The following HIF1AN variants were observed in gnomAD, a reference collection of about 807,000 sequenced individuals.
HIF1AN encodes the protein hypoxia-inducible factor 1-alpha inhibitor.
HIF1AN carries 21 observed loss-of-function variants against 47.7 expected under a neutral mutation model. The observed-to-expected ratio is 0.44, with a 90% CI of 0.31 to 0.63. The LOEUF (loss-of-function observed/expected upper bound fraction) is 0.63, where lower values mean the gene tolerates loss of function less well. HIF1AN is among the 30% of genes least tolerant of loss of function. The pLI is 0.07. For synonymous variants in HIF1AN, 152 were observed against 155.9 expected, an observed-to-expected ratio of 0.98 and a Z score of 0.18; for missense variants, 320 against 432.7, an observed-to-expected ratio of 0.74 and a Z score of 2.31.
Position 100,546,522 on chromosome 10 carries a change from C to A in HIF1AN, c.835C>A (p.His279Asn). ...AGCCTGTTTGTTTTCTTGCAGGTGG[C>A]ATCACATAGAGTCATTACTAAATGG... ...DVLYIPMYWWHHIESLLNGGI... is the reference protein window; with the variant it reads ...DVLYIPMYWWNHIESLLNGGI... The change falls in exon 6 of 8, where the codon CAT becomes AAT. Residue 279 changes from histidine (H) to asparagine (N), a missense_variant. His to Asn is a moderately conservative substitution (Grantham distance 68, BLOSUM62 1). Transcript: ENST00000299163. The A allele has an allele frequency of 7.0e-7, 1 of 1,437,844 alleles. No homozygotes were observed. The highest frequency in any genetic ancestry group is 9.3e-7 in the Non-Finnish European group (1 of 1,073,408). 89.1% of individuals were successfully genotyped at this position (1,437,844 alleles called of 1,614,324 possible). A position where few individuals can be genotyped will look rare whatever the true frequency, so the allele number is the denominator to read the frequency against.
rs1325225716 is a variant in HIF1AN at position 100,545,957 on chromosome 10, T to G, written c.738T>G (p.Asn246Lys). 1 of 1,613,274 alleles carries G rather than the reference T, an allele frequency of 6.2e-7. No individual in the cohort carries two copies. The highest frequency in any genetic ancestry group is 8.5e-7 in the Non-Finnish European group (1 of 1,179,296). ...GAACCTCTTAGGTGGACTTTGACAA[T>G]CCCGACTACGAGAGGTTCCCTAATT... ...CDRQSQVDFD[N>K]PDYERFPNFQ... The change falls in exon 5 of 8, where the codon AAT becomes AAG. Residue 246 changes from asparagine to lysine, a missense_variant. Coordinates refer to ENST00000299163, the MANE Select transcript of HIF1AN (RefSeq NM_017902.3).
intron 5 of HIF1AN, 62 bp from the exon 6 acceptor site, chr10:100,546,456 T>TCCCCCC: frequency 2.9e-6 from 2 of 679,320 alleles, no homozygotes; most frequent in South Asian, 1.5e-5. Context: ...CCCCCGCACT[T>TCCCCCC]CGCCCCTCCG....
rs1843223543 is a variant in HIF1AN at position 100,557,441 on chromosome 10, G to C, written c.*9304G>C. 6.6e-6 allele frequency: 1 copy of C among 152,268 alleles called. No homozygotes were observed. The highest frequency in any genetic ancestry group is 1.5e-5 in the Non-Finnish European group (1 of 68,156). 9.4% of individuals were successfully genotyped at this position (152,268 alleles called of 1,614,324 possible). The stretch of plus-strand genomic sequence containing the variant: ...GATATTGGGAGTGGGGGTTTCGGGA[G>C]ATTTTGTTTGTTTGTTTTTTTGAGA... On this transcript the variant is annotated 3_prime_UTR_variant, in exon 8 of 8. Transcript: ENST00000299163.
At chr10:100,536,236 C>T in intron 1 of HIF1AN, 101 bp downstream of exon 1, 2 of 1,336,368 alleles carry the variant, frequency 1.5e-6, no homozygotes, top group Non-Finnish European at 2.1e-6. Flanking sequence ...GGGCTCTAGA[C>T]TAGGGCCTAT....
intron 2 of HIF1AN, among the ~76,000 whole-genome samples, chr10:100,539,874 G>A (rs1273839819): frequency 2.0e-5 from 3 of 152,242 alleles, no homozygotes; most frequent in Non-Finnish European, 4.4e-5. Context: ...CAGGCTCTGC[G>A]AGTCTCTGGA....
chr10:100,545,870 A>T, intron 4 of HIF1AN, 73 bp from the exon 5 acceptor site: 2 of 947,516 alleles, frequency 2.1e-6, no homozygotes, highest in Admixed American at 4.3e-5. Flanking sequence ...TTTACTGCCA[A>T]ACTGGCATAT....
At chr10:100,540,433 T>C (rs1410697642) in intron 2 of HIF1AN, among the ~76,000 whole-genome samples, 3 of 151,962 alleles carry the variant, frequency 2.0e-5, no homozygotes, top group Non-Finnish European at 4.4e-5. Context: ...ATTAAAAAAT[T>C]TGGTGTTGAA....
At chr10:100,547,337 T>A in intron 7 of HIF1AN, 87 bp downstream of exon 7, 1 of 803,440 alleles carries the variant, frequency 1.2e-6, no homozygotes, top group Non-Finnish European at 2.1e-6. Context: ...CTTCTGTGTT[T>A]CAGTGTCTGG....
chr10:100,546,450 C>CCCCGGG, intron 5 of HIF1AN, 68 bp from the exon 6 acceptor site: 1 of 905,882 alleles, frequency 1.1e-6, no homozygotes, highest in Admixed American at 2.0e-5. Flanking sequence ...GCCACCCCCC[C>CCCCGGG]GCACTTCGCC....
At position 100,559,866 on chromosome 10, in the gene HIF1AN, C is replaced by G. The variant is rs1052866867; in HGVS notation, c.*11729C>G. On this transcript the variant is annotated 3_prime_UTR_variant, in exon 8 of 8. Coordinates refer to ENST00000299163, the MANE Select transcript of HIF1AN (RefSeq NM_017902.3). ...AGTCACTTAGCCTCTACAAGTACCA[C>G]GTAACTAGCAGCCGTTAAAAGATGG... The G allele has an allele frequency of 6.6e-6, 1 of 152,200 alleles. No individual in the cohort carries two copies. 9.4% of individuals were successfully genotyped at this position (152,200 alleles called of 1,614,324 possible). A position where few individuals can be genotyped will look rare whatever the true frequency, so the allele number is the denominator to read the frequency against.
chr10:100,540,934 G>T (rs1330768621), intron 3 of HIF1AN, 152 bp downstream of exon 3: 10 of 774,146 alleles, frequency 1.3e-5, no homozygotes, highest in African/African-American at 1.8e-5. Context: ...CATAATAGGG[G>T]CTGGATGCCG....
intron 3 of HIF1AN, among the ~76,000 whole-genome samples, chr10:100,543,884 T>C (rs978220703): frequency 1.3e-5 from 2 of 152,200 alleles, no homozygotes; most frequent in African/African-American, 4.8e-5. Flanking sequence ...TACTTGACTC[T>C]TATGTCTTTC....
rs375526507 is a variant in HIF1AN at position 100,554,233 on chromosome 10, C to T, written c.*6096C>T. The T allele has an allele frequency of 2.6e-4, 39 of 152,250 alleles. No individual in the cohort carries two copies. Among genetic ancestry groups the T allele is most frequent in the African/African-American group, 6.7e-4 (28 of 41,530 alleles). 9.4% of individuals were successfully genotyped at this position (152,250 alleles called of 1,614,324 possible). On this transcript the variant is annotated 3_prime_UTR_variant, in exon 8 of 8. Transcript: ENST00000299163. ...GAGAGGCCGTGGAGCCGAATGAGTC[C>T]TTATTATACCTGGAGAAGCTGTTGT...
intron 7 of HIF1AN, among the ~76,000 whole-genome samples, 182 bp from the exon 8 acceptor site, chr10:100,547,909 GAA>G (rs1843109679): frequency 6.6e-6 from 1 of 152,198 alleles, no homozygotes; most frequent in African/African-American, 2.4e-5. Context: ...ACCCCTGAGG[GAA>G]AGACTATGTC....
In HIF1AN at chr10:100,548,397, G is replaced by T. The variant is rs138955964; in HGVS notation, c.*260G>T. 370 of 448,218 alleles carry T rather than the reference G, an allele frequency of 8.3e-4. 3 individuals carry two copies. The East Asian group carries it at 0.012, about 14-fold the overall frequency. 27.8% of individuals were successfully genotyped at this position (448,218 alleles called of 1,614,324 possible). On this transcript the variant is annotated 3_prime_UTR_variant, in exon 8 of 8. Transcript: ENST00000299163. The stretch of plus-strand genomic sequence containing the variant: ...CCCCGCCTAAAGTCCTGCATTCAGT[G>T]TGTGGAGTCCCAGCTTTTGGTTGTC...
intron 2 of HIF1AN, among the ~76,000 whole-genome samples, chr10:100,540,294 C>G (rs144441732): frequency 0.011 from 1,696 of 150,212 alleles, 23 homozygotes; most frequent in Middle Eastern, 0.051. Context: ...GATGCAGTGT[C>G]TCACACCTGT....
intron 2 of HIF1AN, 41 bp downstream of exon 2, chr10:100,536,702 C>G: frequency 6.2e-7 from 1 of 1,608,434 alleles, no homozygotes; most frequent in Middle Eastern, 1.7e-4. Flanking sequence ...ATTTAGGACA[C>G]TCATTTTTCT....
rs370504307 is a variant in HIF1AN at position 100,549,045 on chromosome 10, T to G, written c.*908T>G. The G allele has an allele frequency of 5.9e-4, 63 of 107,054 alleles. 1 individual carries two copies. In the East Asian group the frequency reaches 7.3e-3, roughly 12 times the overall value. 6.6% of individuals were successfully genotyped at this position (107,054 alleles called of 1,614,324 possible). On this transcript the variant is annotated 3_prime_UTR_variant, in exon 8 of 8. Coordinates refer to ENST00000299163, the MANE Select transcript of HIF1AN (RefSeq NM_017902.3). ...CACACTAGGGGTGCAAGCCTCTGGG[T>G]GTGTGTGTGTGTGTGCGTGCGTGTG...
At position 100,555,752 on chromosome 10, in the gene HIF1AN, T is replaced by C. The variant is rs903743230; in HGVS notation, c.*7615T>C. On this transcript the variant is annotated 3_prime_UTR_variant, in exon 8 of 8. Coordinates refer to ENST00000299163, the MANE Select transcript of HIF1AN (RefSeq NM_017902.3). ...TTTGGCTCTAGCTAATTTTGCTGTT[T>C]TATTCCGTTTACTTAAAACCTATTC... is the stretch of plus-strand genomic sequence containing the variant. The C allele has an allele frequency of 6.6e-6, 1 of 152,256 alleles. No individual in the cohort carries two copies. Among genetic ancestry groups the C allele is most frequent in the African/African-American group, 2.4e-5 (1 of 41,458 alleles). 9.4% of individuals were successfully genotyped at this position (152,256 alleles called of 1,614,324 possible). A position where few individuals can be genotyped will look rare whatever the true frequency, so the allele number is the denominator to read the frequency against.
Sources: allele counts gnomAD v4.1 joint callset (sites outside exome capture counted in the v4.1 genomes callset), GRCh38; gene constraint gnomAD v4.1.1; transcripts MANE v1.5; gene names NCBI Gene and HGNC (gene_info 2026-07-23, HGNC 2026-07-21).